Variants in RBFOX2 observed in about 807,000 individuals in gnomAD.
RBFOX2 encodes the protein RNA binding fox-1 homolog 2, also known as RNA binding protein fox-1 homolog 2.
A neutral mutation model predicts 49.1 loss-of-function variants in RBFOX2; 10 were observed. The ratio of observed to expected loss-of-function variants is 0.20; its 90% confidence interval spans 0.13 to 0.35. The LOEUF (loss-of-function observed/expected upper bound fraction) is 0.35, where lower values mean the gene tolerates loss of function less well. Among genes scored for constraint, RBFOX2 ranks in the 10% least tolerant of loss-of-function variants. The pLI, the probability that RBFOX2 is intolerant of heterozygous loss-of-function variation, is 1.00. For missense variants in RBFOX2, 323 were observed against 486.9 expected, an observed-to-expected ratio of 0.66 and a Z score of 3.17; for synonymous variants, 183 against 187.4, an observed-to-expected ratio of 0.98 and a Z score of 0.19.
chr22:35,813,124 T>C lies in RBFOX2; in HGVS notation c.28-3120A>G, dbSNP rs1705830860. On this transcript the variant is annotated intron_variant, in intron 1 of 11. Transcript: ENST00000405409. Reference sequence around the variant, plus strand: ...TTACAGAAATTTCTTTTAAAATTTTTGTTAAAAATGTAACAACAATTGTTT... The same window carrying C: ...TTACAGAAATTTCTTTTAAAATTTTCGTTAAAAATGTAACAACAATTGTTT... 2.0e-5 allele frequency among the ~76,000 whole-genome samples: 3 copies of C among 152,214 alleles called. No individual in the cohort carries two copies. The South Asian group carries it at 6.2e-4, about 32-fold the overall frequency.
At chr22:35,924,812 CAGA>C (rs1278160924) in intron 1 of RBFOX2, among the ~76,000 whole-genome samples, 3 of 152,202 alleles carry the variant, frequency 2.0e-5, no homozygotes, top group Non-Finnish European at 2.9e-5. Context: ...CTTGTTCTTA[CAGA>C]ATTCTGTGTG....
At chr22:35,861,364 C>G (rs1018640575) in intron 1 of RBFOX2, among the ~76,000 whole-genome samples, 14 of 151,982 alleles carry the variant, frequency 9.2e-5, no homozygotes, top group African/African-American at 3.4e-4. Flanking sequence ...AAAAGACAAG[C>G]CACAACTGAG....
chr22:35,979,233 C>A (rs2057342169), intron 1 of RBFOX2, among the ~76,000 whole-genome samples: 1 of 152,188 alleles, frequency 6.6e-6, no homozygotes, highest in African/African-American at 2.4e-5. Flanking sequence ...AAGGTAAAGA[C>A]TGAGAAACTG....
chr22:36,008,570 A>G (rs571627276), intron 1 of RBFOX2, among the ~76,000 whole-genome samples: 1 of 152,298 alleles, frequency 6.6e-6, no homozygotes, highest in African/African-American at 2.4e-5. Context: ...TAATCCCAGC[A>G]CTTTGGGAGC....
At chr22:35,949,358 T>C (rs931043423) in intron 1 of RBFOX2, among the ~76,000 whole-genome samples, 3 of 152,252 alleles carry the variant, frequency 2.0e-5, no homozygotes, top group South Asian at 2.1e-4. Context: ...GGTGTACAGA[T>C]ATCTATTCAA....
At chr22:35,981,763 A>G (rs1440234646) in intron 1 of RBFOX2, among the ~76,000 whole-genome samples, 1 of 152,144 alleles carries the variant, frequency 6.6e-6, no homozygotes, top group Non-Finnish European at 1.5e-5. Flanking sequence ...TTATGGTTTT[A>G]CTGGTTTTCA....
intron 1 of RBFOX2, among the ~76,000 whole-genome samples, chr22:35,896,132 G>C (rs1164667993): frequency 6.6e-6 from 1 of 152,112 alleles, no homozygotes; most frequent in Non-Finnish European, 1.5e-5. Flanking sequence ...TCCTTTCTCT[G>C]TGGGGACTGG....
At chr22:35,951,569 C>T (rs570369654) in intron 1 of RBFOX2, among the ~76,000 whole-genome samples, 152 of 152,198 alleles carry the variant, frequency 1.0e-3, no homozygotes, top group East Asian at 1.9e-4. Context: ...ATATTAAATG[C>T]CCTGTCCAAA....
intron 3 of RBFOX2, among the ~76,000 whole-genome samples, chr22:35,781,225 T>C (rs1945086762): frequency 6.6e-6 from 1 of 152,188 alleles, no homozygotes; most frequent in South Asian, 2.1e-4. Context: ...TTAGGAATCA[T>C]TGCTCTAAAA....
At chr22:36,025,655 A>T (rs1233785173) in intron 1 of RBFOX2, among the ~76,000 whole-genome samples, 1 of 152,198 alleles carries the variant, frequency 6.6e-6, no homozygotes, top group Non-Finnish European at 1.5e-5. Flanking sequence ...CTTTAAAAAA[A>T]ACTTTTCGCC....
intron 1 of RBFOX2, among the ~76,000 whole-genome samples, chr22:35,877,951 T>C (rs2045352546): frequency 6.6e-6 from 1 of 151,360 alleles, no homozygotes; most frequent in Non-Finnish European, 1.5e-5. Context: ...TAGCAGCGAA[T>C]ACACCAGACA....
At chr22:35,967,711 T>C (rs755555922) in intron 1 of RBFOX2, among the ~76,000 whole-genome samples, 3 of 152,148 alleles carry the variant, frequency 2.0e-5, no homozygotes, top group Non-Finnish European at 2.9e-5. Context: ...CCCTCCACCA[T>C]CCTCAGCTAT....
At chr22:35,786,499 A>C (rs545341583) in intron 2 of RBFOX2, among the ~76,000 whole-genome samples, 13 of 152,228 alleles carry the variant, frequency 8.5e-5, no homozygotes, top group Non-Finnish European at 1.8e-4. Context: ...TGTAACCACC[A>C]AATTAGATCA....
chr22:35,809,304 A>G (rs1209112754), intron 2 of RBFOX2, among the ~76,000 whole-genome samples: 1 of 152,166 alleles, frequency 6.6e-6, no homozygotes, highest in Non-Finnish European at 1.5e-5. Context: ...AACACAAGCA[A>G]TTTGGTGGAA....
intron 11 of RBFOX2, among the ~76,000 whole-genome samples, chr22:35,744,667 C>T (rs778937476): frequency 2.6e-5 from 4 of 152,170 alleles, no homozygotes; most frequent in East Asian, 1.9e-4. Context: ...CGGCAGTGCA[C>T]GTTACTTCTG....
intron 1 of RBFOX2, among the ~76,000 whole-genome samples, chr22:36,012,318 C>A (rs566180045): frequency 1.4e-4 from 22 of 152,292 alleles, no homozygotes; most frequent in African/African-American, 5.3e-4. Context: ...ATCAGCTTTG[C>A]CACTTCCTAG....
chr22:35,915,489 A>G (rs1258236159), intron 1 of RBFOX2, among the ~76,000 whole-genome samples: 1 of 152,220 alleles, frequency 6.6e-6, no homozygotes, highest in Non-Finnish European at 1.5e-5. Flanking sequence ...TGTTTTATGC[A>G]GAGAATCAGA....
intron 1 of RBFOX2, among the ~76,000 whole-genome samples, chr22:35,957,090 G>T (rs1389190722): frequency 2.0e-5 from 3 of 152,184 alleles, no homozygotes; most frequent in Admixed American, 2.0e-4. Context: ...ATGGGGGAAA[G>T]TACAGTTATT....
chr22:35,902,057 G>A (rs1569475257), intron 1 of RBFOX2, among the ~76,000 whole-genome samples: 1 of 152,024 alleles, frequency 6.6e-6, no homozygotes, highest in Non-Finnish European at 1.5e-5. Flanking sequence ...TCCAGCCTGG[G>A]CGACAGAGTG....
Sources: gnomAD v4.1 joint callset for allele counts (sites outside exome capture counted in the v4.1 genomes callset) on GRCh38, gnomAD v4.1.1 for gene constraint, MANE v1.5 for transcripts, NCBI Gene and HGNC (gene_info 2026-07-23, HGNC 2026-07-21) for gene names.